SRPK2: variants seen among roughly 807,000 people sequenced by gnomAD.
The protein encoded by SRPK2 is SFRS protein kinase 2.
SRPK2 carries 21 observed loss-of-function variants against 90.8 expected under a neutral mutation model. That is an observed-to-expected ratio of 0.23 (90% CI 0.16 to 0.33). The LOEUF (loss-of-function observed/expected upper bound fraction) is 0.33. Ranked by LOEUF, SRPK2 falls within the 10% of genes least tolerant of loss-of-function variation. SRPK2 has a pLI of 1.00. For synonymous variants in SRPK2, 288 were observed against 311.1 expected (o/e 0.93, Z 0.78); for missense variants, 620 against 869.0 (o/e 0.71, Z 3.60).
rs371115678 is a variant in SRPK2 at position 105,132,797 on chromosome 7, C to G, written c.1746G>C (p.Ala582=). The change falls in exon 13 of 16, where the codon GCG becomes GCC. Residue 582 remains alanine (A), a synonymous_variant. Coordinates refer to ENST00000393651, the MANE Select transcript of SRPK2 (RefSeq NM_182692.3). Reference sequence around the variant, plus strand: ...AGGGCACAGCCGTCCTTACCATACACGCCGTGCTCCAGATGTCCGCAGGGG... The same window carrying G: ...AGGGCACAGCCGTCCTTACCATACAGGCCGTGCTCCAGATGTCCGCAGGGG... ...YSTPADIWST[A]CMAFELATGD... The G allele has an allele frequency of 6.2e-7, 1 of 1,606,796 alleles. No individual in the cohort carries two copies. The highest frequency in any genetic ancestry group is 1.7e-5 in the Admixed American group (1 of 59,236).
intron 3 of SRPK2, among the ~76,000 whole-genome samples, chr7:105,197,507 G>A (rs1334221545): frequency 6.6e-6 from 1 of 152,128 alleles, no homozygotes; most frequent in Non-Finnish European, 1.5e-5. Context: ...CTGAACATCA[G>A]CACTCTGCCT....
intron 2 of SRPK2, among the ~76,000 whole-genome samples, chr7:105,350,206 C>A (rs955429034): frequency 6.8e-6 from 1 of 147,702 alleles, no homozygotes. Flanking sequence ...TCTCAGCTCA[C>A]TGCAACCTCC....
chr7:105,351,740 GC>G (rs1027588623), intron 2 of SRPK2, among the ~76,000 whole-genome samples: 4 of 151,130 alleles, frequency 2.6e-5, no homozygotes, highest in Admixed American at 2.6e-4. Flanking sequence ...GGGGGCGGAG[GC>G]TGCAGTGAGC....
chr7:105,375,446 C>G (rs905675042), intron 2 of SRPK2, among the ~76,000 whole-genome samples: 4 of 152,122 alleles, frequency 2.6e-5, no homozygotes, highest in Admixed American at 1.3e-4. Flanking sequence ...CTTTGGGGAG[C>G]CAAGGTGGGA....
intron 2 of SRPK2, among the ~76,000 whole-genome samples, chr7:105,287,270 AAAAAAAAAAAAAAAG>A (rs1410879467): frequency 9.7e-4 from 129 of 132,460 alleles, no homozygotes; most frequent in African/African-American, 3.2e-3. Context: ...AAAAAAAAAA[AAAAAAAAAAAAAAAG>A]AAGAAAAGGA....
intron 5 of SRPK2, 44 bp downstream of exon 5, chr7:105,167,964 G>C (rs1049476834): frequency 2.1e-6 from 3 of 1,462,430 alleles, no homozygotes; most frequent in Non-Finnish European, 2.8e-6. Context: ...AAAATTTTAA[G>C]TCATTAAGTT....
chr7:105,170,781 A>G (rs1054454300), intron 3 of SRPK2, among the ~76,000 whole-genome samples: 7 of 71,276 alleles, frequency 9.8e-5, no homozygotes, highest in South Asian at 6.3e-4. Context: ...GGAAGGAAGG[A>G]CGGGAGGGAG....
intron 2 of SRPK2, among the ~76,000 whole-genome samples, chr7:105,370,944 A>C (rs1819625239): frequency 6.6e-6 from 1 of 152,044 alleles, no homozygotes; most frequent in Non-Finnish European, 1.5e-5. Context: ...TTACTAGCAA[A>C]GCTTTAACTA....
chr7:105,175,105 A>T (rs1226374165), intron 3 of SRPK2, among the ~76,000 whole-genome samples: 1 of 151,930 alleles, frequency 6.6e-6, no homozygotes, highest in African/African-American at 2.4e-5. Flanking sequence ...ACACCACTGC[A>T]CTGCAGCCTG....
Position 105,127,179 on chromosome 7 carries a change from C to A in SRPK2, c.1753-117G>T, listed in dbSNP as rs1371287131. 10 of 857,358 alleles carry A rather than the reference C, an allele frequency of 1.2e-5. No individual in the cohort carries two copies. The Admixed American group carries it at 2.3e-4, about 20-fold the overall frequency. 53.1% of individuals were successfully genotyped at this position (857,358 alleles called of 1,614,324 possible). A position where few individuals can be genotyped will look rare whatever the true frequency, so the allele number is the denominator to read the frequency against. ...GAAGATCTGAATCAAACAAAATAGCCTCCTGAAAGTGCTCAATACTAATTT... is the reference window on the plus strand; with the variant it reads ...GAAGATCTGAATCAAACAAAATAGCATCCTGAAAGTGCTCAATACTAATTT... On this transcript the variant is annotated intron_variant, in intron 13 of 15. Transcript: ENST00000393651.
chr7:105,367,075 T>TG (rs940863585), intron 2 of SRPK2, among the ~76,000 whole-genome samples: 14 of 151,840 alleles, frequency 9.2e-5, no homozygotes, highest in African/African-American at 2.2e-4. Flanking sequence ...TTGTTTTTTT[T>TG]TTTGTTTGTT....
chr7:105,150,565 GA>G (rs1355759497), intron 7 of SRPK2, among the ~76,000 whole-genome samples: 3 of 152,144 alleles, frequency 2.0e-5, no homozygotes, highest in African/African-American at 7.2e-5. Flanking sequence ...CCAATAGTAA[GA>G]AAGATAACAT....
chr7:105,377,069 C>T (rs1451081050), intron 2 of SRPK2, among the ~76,000 whole-genome samples: 1 of 152,060 alleles, frequency 6.6e-6, no homozygotes, highest in Non-Finnish European at 1.5e-5. Context: ...TTTCTAACTG[C>T]CAAAAGCAAA....
At chr7:105,344,461 C>G (rs943115306) in intron 2 of SRPK2, among the ~76,000 whole-genome samples, 1 of 137,546 alleles carries the variant, frequency 7.3e-6, no homozygotes, top group African/African-American at 2.8e-5. Context: ...ACTATATTGA[C>G]CAGGGTGTTC....
At chr7:105,226,351 A>T (rs957167800) in intron 2 of SRPK2, among the ~76,000 whole-genome samples, 1 of 152,042 alleles carries the variant, frequency 6.6e-6, no homozygotes. Context: ...GTGCAGTGGC[A>T]CAAATTCAGC....
intron 2 of SRPK2, among the ~76,000 whole-genome samples, chr7:105,326,686 C>T (rs560287601): frequency 6.6e-6 from 1 of 152,314 alleles, no homozygotes; most frequent in African/African-American, 2.4e-5. Context: ...TGATTTTCAA[C>T]CCGGCCTACA....
intron 2 of SRPK2, among the ~76,000 whole-genome samples, chr7:105,263,703 G>A (rs1804644651): frequency 6.6e-6 from 1 of 151,906 alleles, no homozygotes; most frequent in South Asian, 2.1e-4. Flanking sequence ...AAATATTAGT[G>A]ACCCTAGGCT....
chr7:105,183,974 A>ATTTTTT (rs57622134), intron 3 of SRPK2, among the ~76,000 whole-genome samples: 30 of 116,272 alleles, frequency 2.6e-4, no homozygotes, highest in Non-Finnish European at 2.8e-4. Context: ...ACTATTACCA[A>ATTTTTT]TTTTTTTTTT....
intron 2 of SRPK2, among the ~76,000 whole-genome samples, chr7:105,331,566 C>T (rs1164020520): frequency 6.6e-6 from 1 of 151,918 alleles, no homozygotes; most frequent in African/African-American, 2.4e-5. Flanking sequence ...AAACTTAAAC[C>T]TTTGCAAAGT....
Sources: allele counts gnomAD v4.1 joint callset (sites outside exome capture counted in the v4.1 genomes callset), GRCh38; gene constraint gnomAD v4.1.1; transcripts MANE v1.5; gene names NCBI Gene and HGNC (gene_info 2026-07-23, HGNC 2026-07-21).